GAS7: variants seen among roughly 807,000 people sequenced by gnomAD.
GAS7 encodes the protein growth arrest-specific protein 7.
In GAS7, 28 loss-of-function variants were observed where a neutral mutation model predicts 71.1. That is an observed-to-expected ratio of 0.39 (90% CI 0.29 to 0.54). The LOEUF (loss-of-function observed/expected upper bound fraction) is 0.54, where lower values mean the gene tolerates loss of function less well. GAS7 is among the 20% of genes least tolerant of loss of function. The pLI, the probability that GAS7 is intolerant of heterozygous loss-of-function variation, is 0.62. For synonymous variants in GAS7, 258 were observed against 245.8 expected (o/e 1.05, Z -0.46); for missense variants, 436 against 627.8 (o/e 0.69, Z 3.27).
chr17:9,962,807 C>A lies in GAS7; in HGVS notation c.472-3552G>T, dbSNP rs556112873. Among the ~76,000 whole-genome samples, 4 of 152,172 alleles carry A rather than the reference C, an allele frequency of 2.6e-5. No individual in the cohort carries two copies. In the East Asian group the frequency reaches 7.7e-4, roughly 29 times the overall value. Reference sequence around the variant, plus strand: ...AAATGTACCCCTGCAAAGGAGAAATCTGGCAGTCAGCACCTTAACCGAGAG... The same window carrying A: ...AAATGTACCCCTGCAAAGGAGAAATATGGCAGTCAGCACCTTAACCGAGAG... On this transcript the variant is annotated intron_variant, in intron 4 of 13. Transcript: ENST00000432992.
rs1260823815 is a variant in GAS7 at position 9,943,307 on chromosome 17, G to A, written c.616-71C>T. 4 of 898,786 alleles carry A rather than the reference G, an allele frequency of 4.5e-6. No homozygotes were observed. In the East Asian group the frequency reaches 9.6e-5, roughly 22 times the overall value. The allele number at this position is 898,786 out of a possible 1,614,324, so 55.7% of individuals were successfully genotyped here. A position where few individuals can be genotyped will look rare whatever the true frequency, so the allele number is the denominator to read the frequency against. On this transcript the variant is annotated intron_variant, in intron 6 of 13. Transcript: ENST00000432992. Reference sequence around the variant, plus strand: ...TGGAGCCAGGGAGAATGGCGTAGAGGGAGGACGGCTCCTAGATGTGCCTGG... The same window carrying A: ...TGGAGCCAGGGAGAATGGCGTAGAGAGAGGACGGCTCCTAGATGTGCCTGG...
rs531466121 is a variant in GAS7, at chr17:9,913,147, C to T, written c.*4081G>A. The T allele has an allele frequency of 1.3e-5, 3 of 232,294 alleles. No individual in the cohort carries two copies. The highest frequency in any genetic ancestry group is 6.6e-5 in the African/African-American group (3 of 45,384). The allele number at this position is 232,294 out of a possible 1,614,324, so 14.4% of individuals were successfully genotyped here. A position where few individuals can be genotyped will look rare whatever the true frequency, so the allele number is the denominator to read the frequency against. On this transcript the variant is annotated 3_prime_UTR_variant, in exon 14 of 14. Transcript: ENST00000432992. ...CAAAATTCACAGAGCTGTATATTTC[C>T]AAAGGGTGAATTTTACTGGATGTCA... is the stretch of plus-strand genomic sequence containing the variant.
intron 1 of GAS7, among the ~76,000 whole-genome samples, chr17:10,185,696 T>C (rs2142148029): frequency 6.6e-6 from 1 of 152,316 alleles, no homozygotes; most frequent in Non-Finnish European, 1.5e-5. Context: ...CTTGTGGGAC[T>C]GCGCTCTCAG....
chr17:9,940,158 G>C lies in GAS7; in HGVS notation c.774C>G (p.Leu258=). Residue 258 remains leucine (L), a synonymous_variant, in exon 8 of 14, where the codon CTC becomes CTG. Transcript: ENST00000432992. Reference sequence around the variant, plus strand: ...CCTGTGAAGCCAAGGAGTTCTGAGAGAGCTTAGCTAAGTTCTTCGCATAGT... The same window carrying C: ...CCTGTGAAGCCAAGGAGTTCTGAGACAGCTTAGCTAAGTTCTTCGCATAGT... ...EEDYAKNLAK[L]SQNSLASQEE... 6.2e-7 allele frequency: 1 copy of C among 1,611,476 alleles called. No homozygotes were observed. The highest frequency in any genetic ancestry group is 8.5e-7 in the Non-Finnish European group (1 of 1,177,540).
At chr17:9,932,086 G>A (rs545197252) in intron 9 of GAS7, among the ~76,000 whole-genome samples, 4 of 152,052 alleles carry the variant, frequency 2.6e-5, no homozygotes, top group Non-Finnish European at 4.4e-5. Context: ...GAGACTCAGC[G>A]TTTAGGCACT....
At chr17:10,125,646 G>A (rs1259792825) in intron 1 of GAS7, among the ~76,000 whole-genome samples, 1 of 152,002 alleles carries the variant, frequency 6.6e-6, no homozygotes, top group Non-Finnish European at 1.5e-5. Flanking sequence ...AAAGGGTGAT[G>A]GGGAGATGAG....
intron 1 of GAS7, among the ~76,000 whole-genome samples, chr17:10,063,276 G>A (rs140079321): frequency 3.9e-5 from 6 of 152,314 alleles, no homozygotes; most frequent in African/African-American, 9.6e-5. Flanking sequence ...GTGTGTGTGC[G>A]CGCGCACGCG....
chr17:10,197,729 G>A (rs1293619880), intron 1 of GAS7, among the ~76,000 whole-genome samples: 1 of 152,082 alleles, frequency 6.6e-6, no homozygotes, highest in Middle Eastern at 3.2e-3. Context: ...GAGGCGGCCA[G>A]GCAGCCTGAC....
intron 1 of GAS7, among the ~76,000 whole-genome samples, chr17:10,182,428 G>A (rs1317837995): frequency 5.9e-5 from 9 of 152,160 alleles, no homozygotes; most frequent in African/African-American, 2.2e-4. Context: ...CCAAACTGCT[G>A]GGATTACAGG....
intron 3 of GAS7, among the ~76,000 whole-genome samples, chr17:9,979,278 C>G (rs371093276): frequency 6.6e-6 from 1 of 152,130 alleles, no homozygotes; most frequent in South Asian, 2.1e-4. Flanking sequence ...GAAATACTAC[C>G]CCAGCACCCT....
intron 2 of GAS7, among the ~76,000 whole-genome samples, chr17:10,006,133 T>G (rs2071517508): frequency 6.6e-6 from 1 of 151,878 alleles, no homozygotes; most frequent in Non-Finnish European, 1.5e-5. Flanking sequence ...GATGCCCCAG[T>G]CTAAAGATCT....
chr17:9,925,663 C>T lies in GAS7; in HGVS notation c.1015-64G>A, dbSNP rs370007908. The T allele has an allele frequency of 1.8e-5, 28 of 1,585,716 alleles. No individual in the cohort carries two copies. In the East Asian group the frequency reaches 1.8e-4, roughly 10 times the overall value. ...CGGAGCCAGTGGGCCTCCTGGGCCA[C>T]GCAGCCCAGCTTCCCTTTGGAGTCC... On this transcript the variant is annotated intron_variant, in intron 10 of 13. Transcript: ENST00000432992.
At chr17:10,126,329 C>T (rs558829935) in intron 1 of GAS7, among the ~76,000 whole-genome samples, 2,414 of 117,946 alleles carry the variant, frequency 0.02, 29 homozygotes, top group Middle Eastern at 0.04. Flanking sequence ...CACACACACA[C>T]GCTCACACAC....
chr17:10,052,211 A>C (rs1269347414), intron 1 of GAS7, among the ~76,000 whole-genome samples: 1 of 152,212 alleles, frequency 6.6e-6, no homozygotes, highest in Non-Finnish European at 1.5e-5. Flanking sequence ...GGCAGTTCCC[A>C]AAACACTTTC....
In GAS7 at chr17:10,083,933, A is replaced by C. The variant is rs533076890; in HGVS notation, c.184-64036T>G. Reference sequence around the variant, plus strand: ...ACACCAAACAGGAAGACAAGTTCTCAGTCTGGTCCAAGGATTTAAATGGTA... The same window carrying C: ...ACACCAAACAGGAAGACAAGTTCTCCGTCTGGTCCAAGGATTTAAATGGTA... On this transcript the variant is annotated intron_variant, in intron 1 of 13. Coordinates refer to ENST00000432992, the MANE Select transcript of GAS7 (RefSeq NM_201433.2). Among the ~76,000 whole-genome samples the C allele has an allele frequency of 1.1e-4, 16 of 152,334 alleles. No individual in the cohort carries two copies. The South Asian group carries it at 3.1e-3, about 30-fold the overall frequency.
chr17:9,982,597 T>C (rs1234907749), intron 2 of GAS7, among the ~76,000 whole-genome samples: 2 of 151,836 alleles, frequency 1.3e-5, no homozygotes, highest in South Asian at 4.2e-4. Flanking sequence ...GCCAACATGG[T>C]GAAACCCTGT....
intron 2 of GAS7, among the ~76,000 whole-genome samples, chr17:9,986,709 C>A (rs960675477): frequency 6.6e-6 from 1 of 152,216 alleles, no homozygotes; most frequent in South Asian, 2.1e-4. Flanking sequence ...CCAGACCCCC[C>A]ACAAGCTAGA....
chr17:10,126,634 G>A (rs907923617), intron 1 of GAS7, among the ~76,000 whole-genome samples: 4 of 152,006 alleles, frequency 2.6e-5, no homozygotes, highest in Admixed American at 1.3e-4. Context: ...ACACACTCGC[G>A]CACACACATA....
At chr17:9,983,261 T>C (rs986544966) in intron 2 of GAS7, among the ~76,000 whole-genome samples, 3 of 152,184 alleles carry the variant, frequency 2.0e-5, no homozygotes, top group African/African-American at 7.2e-5. Context: ...GAGGCTGAGG[T>C]GGGTGAATTG....
Sources: gnomAD v4.1 joint callset for allele counts (sites outside exome capture counted in the v4.1 genomes callset) on GRCh38, gnomAD v4.1.1 for gene constraint, MANE v1.5 for transcripts, NCBI Gene and HGNC (gene_info 2026-07-23, HGNC 2026-07-21) for gene names.